Variants in GABRA5 observed in about 807,000 individuals in gnomAD.
The protein encoded by GABRA5 is gamma-aminobutyric acid receptor subunit alpha-5.
GABRA5 carries 18 observed loss-of-function variants against 47.3 expected under a neutral mutation model. The ratio of observed to expected loss-of-function variants is 0.38; its 90% CI spans 0.26 to 0.56. The LOEUF (loss-of-function observed/expected upper bound fraction) is 0.56. GABRA5 is among the 20% of genes least tolerant of loss of function. The pLI is 0.71. For missense variants in GABRA5, 365 were observed against 599.3 expected (o/e 0.61, Z 4.08); for synonymous variants, 237 against 229.3 (o/e 1.03, Z -0.30).
In GABRA5 at chr15:26,914,812, C is replaced by A. The variant is rs1322234845; in HGVS notation, c.507C>A (p.Ile169=). The change falls in exon 7 of 11, where the codon ATC becomes ATA. Residue 169 remains isoleucine (I), a synonymous_variant. Coordinates refer to ENST00000335625, the MANE Select transcript of GABRA5 (RefSeq NM_000810.4). The stretch of plus-strand genomic sequence containing the variant: ...ATCTTTTATTTTTCAGCTTGACCAT[C>A]TCTGCAGAGTGCCCCATGCAGCTTG... ...GTLLYTMRLT[I]SAECPMQLED... 2 of 1,613,184 alleles carry A rather than the reference C, an allele frequency of 1.2e-6. No homozygotes were observed. Among genetic ancestry groups the A allele is most frequent in the Non-Finnish European group, 1.7e-6 (2 of 1,179,214 alleles).
At chr15:26,879,144 C>T (rs1436086313) in intron 3 of GABRA5, among the ~76,000 whole-genome samples, 1 of 152,150 alleles carries the variant, frequency 6.6e-6, no homozygotes, top group African/African-American at 2.4e-5. Context: ...TCTACTAGTA[C>T]CTCAATTGGT....
intron 6 of GABRA5, among the ~76,000 whole-genome samples, chr15:26,898,330 G>T (rs1330416852): frequency 1.3e-5 from 2 of 152,142 alleles, no homozygotes; most frequent in East Asian, 3.9e-4. Flanking sequence ...GGGCTTCTGA[G>T]TGTCACTTTA....
chr15:26,939,238 A>C (rs1894324511), intron 8 of GABRA5: 1 of 765,086 alleles, frequency 1.3e-6, no homozygotes, highest in South Asian at 1.3e-5. Flanking sequence ...GCTCCTTACC[A>C]GTTCACCGTG....
chr15:26,939,810 A>T, intron 8 of GABRA5, 115 bp from the exon 9 acceptor site: 1 of 1,007,102 alleles, frequency 9.9e-7, no homozygotes, highest in Non-Finnish European at 1.5e-6. Context: ...AGATCATACA[A>T]ATGAATGCTT....
At chr15:26,906,291 C>G (rs1893442840) in intron 6 of GABRA5, among the ~76,000 whole-genome samples, 1 of 151,994 alleles carries the variant, frequency 6.6e-6, no homozygotes, top group Non-Finnish European at 1.5e-5. Flanking sequence ...TGCCTGAAAC[C>G]AAAATTTAAA....
chr15:26,921,093 A>AT (rs955634050), intron 7 of GABRA5, among the ~76,000 whole-genome samples: 1 of 152,094 alleles, frequency 6.6e-6, no homozygotes, highest in African/African-American at 2.4e-5. Context: ...ATATATATTC[A>AT]TTTTTTATAA....
intron 7 of GABRA5, among the ~76,000 whole-genome samples, chr15:26,932,484 T>G (rs1398403934): frequency 2.0e-5 from 3 of 152,136 alleles, no homozygotes; most frequent in Non-Finnish European, 2.9e-5. Context: ...GGTGAGACTG[T>G]GGAGAAATAG....
chr15:26,927,854 G>C (rs1893998269), intron 7 of GABRA5, among the ~76,000 whole-genome samples: 1 of 152,170 alleles, frequency 6.6e-6, no homozygotes, highest in South Asian at 2.1e-4. Flanking sequence ...ACATGCTCTA[G>C]TTTCTCTAAT....
chr15:26,913,830 C>G (rs967880293), intron 6 of GABRA5, among the ~76,000 whole-genome samples: 1 of 152,176 alleles, frequency 6.6e-6, no homozygotes, highest in Admixed American at 6.5e-5. Context: ...AGAGCCCTGC[C>G]TATGCCGCCT....
intron 6 of GABRA5, among the ~76,000 whole-genome samples, chr15:26,909,367 T>A (rs1013699521): frequency 7.9e-5 from 12 of 152,188 alleles, no homozygotes; most frequent in African/African-American, 2.9e-4. Context: ...GAAAAGTCCT[T>A]TTTGCTATAA....
chr15:26,883,077 T>G lies in GABRA5; in HGVS notation c.209-89T>G. ...TGCAAAAGCCCCCGGTTGCAGAGGGTGACCCTGGTTACTGGACTGAGAGCA... is the reference window on the plus strand; with the variant it reads ...TGCAAAAGCCCCCGGTTGCAGAGGGGGACCCTGGTTACTGGACTGAGAGCA... On this transcript the variant is annotated intron_variant, in intron 4 of 10. Transcript: ENST00000335625. The surrounding 1 kb of genome is among the most constrained non-coding windows in gnomAD (Gnocchi z 4.8). 1 of 1,045,752 alleles carries G rather than the reference T, an allele frequency of 9.6e-7. No individual in the cohort carries two copies. Among genetic ancestry groups the G allele is most frequent in the East Asian group, 2.4e-5 (1 of 42,250 alleles). 64.8% of individuals were successfully genotyped at this position (1,045,752 alleles called of 1,614,324 possible). A position where few individuals can be genotyped will look rare whatever the true frequency, so the allele number is the denominator to read the frequency against.
intron 6 of GABRA5, among the ~76,000 whole-genome samples, chr15:26,911,388 C>CACACACACACACAAACACACACAA (rs879417314): frequency 7.5e-4 from 110 of 146,760 alleles, no homozygotes; most frequent in South Asian, 3.1e-3. Context: ...CACACACACA[C>CACACACACACACAAACACACACAA]ACACACACAA....
intron 6 of GABRA5, among the ~76,000 whole-genome samples, chr15:26,912,831 T>C (rs1893630335): frequency 6.6e-6 from 1 of 152,208 alleles, no homozygotes; most frequent in Non-Finnish European, 1.5e-5. Flanking sequence ...ATAAGTGAAG[T>C]GGTCGATGTT....
intron 7 of GABRA5, among the ~76,000 whole-genome samples, chr15:26,924,471 C>T (rs951919124): frequency 6.6e-6 from 1 of 152,098 alleles, no homozygotes; most frequent in African/African-American, 2.4e-5. Context: ...GACATGACTC[C>T]CATAAAGAGC....
At chr15:26,885,060 G>A (rs925676855) in intron 6 of GABRA5, among the ~76,000 whole-genome samples, 1 of 152,148 alleles carries the variant, frequency 6.6e-6, no homozygotes, top group African/African-American at 2.4e-5. Flanking sequence ...ACTTTGGGAG[G>A]CCGAGGCGGG....
At chr15:26,891,227 T>A (rs915532283) in intron 6 of GABRA5, among the ~76,000 whole-genome samples, 1 of 152,160 alleles carries the variant, frequency 6.6e-6, no homozygotes, top group Non-Finnish European at 1.5e-5. Context: ...CATGTTTGCT[T>A]TCTTAGGTCC....
chr15:26,907,619 G>T (rs112698385), intron 6 of GABRA5, among the ~76,000 whole-genome samples: 1 of 152,054 alleles, frequency 6.6e-6, no homozygotes, highest in Admixed American at 6.5e-5. Context: ...CAACTGCAGT[G>T]GATCTACAAC....
chr15:26,939,086 G>C (rs1008134343), intron 8 of GABRA5: 1 of 659,662 alleles, frequency 1.5e-6, no homozygotes, highest in Non-Finnish European at 2.7e-6. Flanking sequence ...TCCACTCCTC[G>C]CAATTCAGCC....
intron 2 of GABRA5, 28 bp from the exon 3 acceptor site, chr15:26,869,147 G>C: frequency 1.3e-6 from 1 of 756,190 alleles, no homozygotes; most frequent in South Asian, 1.5e-5. Context: ...TGATGTTCAC[G>C]TGCTTCCCCG....
Sources: allele counts gnomAD v4.1 joint callset (sites outside exome capture counted in the v4.1 genomes callset), GRCh38; gene constraint gnomAD v4.1.1; non-coding constraint Gnocchi (gnomAD v3.1); transcripts MANE v1.5; gene names NCBI Gene and HGNC (gene_info 2026-07-23, HGNC 2026-07-21).